Variants in PARP12 observed in about 807,000 individuals in gnomAD.
The protein encoded by PARP12 is poly(ADP-ribose) polymerase family member 12.
Under a neutral mutation model 72.4 loss-of-function variants are expected in PARP12, and 59 were observed. That is an observed-to-expected ratio of 0.81 (90% CI 0.66 to 1.01). The LOEUF is 1.01. Among genes scored for constraint, PARP12 ranks in the 50% least tolerant of loss-of-function variants. The pLI, the probability that PARP12 is intolerant of heterozygous loss-of-function variation, is 0.00. For missense variants in PARP12, 851 were observed against 914.0 expected (o/e 0.93, Z 0.89); for synonymous variants, 403 against 371.4 (o/e 1.09, Z -0.98).
At position 140,030,335 on chromosome 7, in the gene PARP12, C is replaced by T. The variant is rs577868642; in HGVS notation, c.1422-1647G>A. 1.3e-4 allele frequency among the ~76,000 whole-genome samples: 20 copies of T among 152,324 alleles called. 1 individual carries two copies. In the South Asian group the frequency reaches 3.5e-3, roughly 27 times the overall value. On this transcript the variant is annotated intron_variant, in intron 8 of 11. Coordinates refer to ENST00000263549, the MANE Select transcript of PARP12 (RefSeq NM_022750.4). Reference sequence around the variant, plus strand: ...CATGTTGGCCAGGCGCAGTGGCCCACGCCTGTAATCCCAGCACTTTGGGAG... The same window carrying T: ...CATGTTGGCCAGGCGCAGTGGCCCATGCCTGTAATCCCAGCACTTTGGGAG...
chr7:140,061,498 A>G (rs1037674751), intron 1 of PARP12, among the ~76,000 whole-genome samples: 4 of 152,212 alleles, frequency 2.6e-5, no homozygotes, highest in Non-Finnish European at 5.9e-5. Context: ...AGGAGGGAGC[A>G]GGGGAGGAAG....
In PARP12 at chr7:140,062,895, G is replaced by A. The variant is rs1281508893; in HGVS notation, c.-48C>T. On this transcript the variant is annotated 5_prime_UTR_variant, in exon 1 of 12. Coordinates refer to ENST00000263549, the MANE Select transcript of PARP12 (RefSeq NM_022750.4). ...GGACCGCGGGTGGCGCGACGCGGACGGCGGCGGACGCTGGCTGGCGGGCGG... is the reference window on the plus strand; with the variant it reads ...GGACCGCGGGTGGCGCGACGCGGACAGCGGCGGACGCTGGCTGGCGGGCGG... 1.6e-4 allele frequency: 192 copies of A among 1,224,124 alleles called. No homozygotes were observed. The highest frequency in any genetic ancestry group is 1.9e-4 in the Non-Finnish European group (186 of 981,026). The allele number at this position is 1,224,124 out of a possible 1,614,324, so 75.8% of individuals were successfully genotyped here.
chr7:140,028,620 C>T lies in PARP12; in HGVS notation c.1490G>A (p.Gly497Asp), dbSNP rs1815823563. The change falls in exon 9 of 12, where the codon GGC (glycine) becomes GAC (aspartate). Residue 497 changes from glycine to aspartate, a missense_variant. Coordinates refer to ENST00000263549, the MANE Select transcript of PARP12 (RefSeq NM_022750.4). The part of the protein sequence containing the change: ...YWDSSALPDP[G>D]FQKITLSSSS... ...GGCGCATGCGTCCCCTACCTGAAAG[C>T]CTGGGTCTGGCAGGGCAGAGGAGTC... The T allele has an allele frequency of 6.3e-7, 1 of 1,594,470 alleles. No homozygotes were observed. Among genetic ancestry groups the T allele is most frequent in the Non-Finnish European group, 8.5e-7 (1 of 1,169,752 alleles).
rs1276254193 is a variant in PARP12 at position 140,024,529 on chromosome 7, C to A, written c.*31G>T. On this transcript the variant is annotated 3_prime_UTR_variant, in exon 12 of 12. Transcript: ENST00000263549. ...CCCAAATAGCCATTTCAAGGCAGAG[C>A]AGGTGAAAGGCCTGGAACACTCCTG... 3.1e-6 allele frequency: 5 copies of A among 1,608,692 alleles called. No homozygotes were observed. The highest frequency in any genetic ancestry group is 2.6e-6 in the Non-Finnish European group (3 of 1,175,614).
intron 2 of PARP12, 121 bp from the exon 3 acceptor site, chr7:140,057,274 G>T: frequency 2.1e-6 from 2 of 949,544 alleles, no homozygotes; most frequent in Non-Finnish European, 3.2e-6. Context: ...CATCCACACA[G>T]AACACAGCTA....
intron 1 of PARP12, 46 bp from the exon 2 acceptor site, chr7:140,058,080 C>A: frequency 1.9e-6 from 3 of 1,608,062 alleles, no homozygotes; most frequent in Non-Finnish European, 2.6e-6. Flanking sequence ...TGAGTCTCCT[C>A]AAAATTTCTA....
At chr7:140,043,628 A>G (rs954071780) in intron 5 of PARP12, among the ~76,000 whole-genome samples, 1 of 152,028 alleles carries the variant, frequency 6.6e-6, no homozygotes, top group Non-Finnish European at 1.5e-5. Context: ...CCCGGATTCA[A>G]GCGATTCTCC....
At chr7:140,038,170 C>T (rs1192933885) in intron 6 of PARP12, 4 of 985,312 alleles carry the variant, frequency 4.1e-6, no homozygotes, top group Non-Finnish European at 4.8e-6. Flanking sequence ...CATTCAAATG[C>T]CGGCAGAACA....
At chr7:140,050,293 C>G (rs544763640) in intron 4 of PARP12, among the ~76,000 whole-genome samples, 1 of 152,320 alleles carries the variant, frequency 6.6e-6, no homozygotes, top group Admixed American at 6.5e-5. Context: ...GAGCCCCTGG[C>G]AGAGGCACTC....
chr7:140,027,209 T>C, intron 10 of PARP12, 67 bp downstream of exon 10: 1 of 1,572,668 alleles, frequency 6.4e-7, no homozygotes, highest in Non-Finnish European at 8.7e-7. Flanking sequence ...CCGGGCCACA[T>C]GTGGCAACCA....
chr7:140,054,262 T>C (rs1446809034), intron 4 of PARP12, among the ~76,000 whole-genome samples: 1 of 152,144 alleles, frequency 6.6e-6, no homozygotes, highest in African/African-American at 2.4e-5. Context: ...CTAACACAAG[T>C]GTTTCCTTCG....
intron 6 of PARP12, 86 bp downstream of exon 6, chr7:140,041,558 C>T (rs1315065415): frequency 2.2e-6 from 3 of 1,376,072 alleles, no homozygotes; most frequent in African/African-American, 2.9e-5. Flanking sequence ...CAAGGATGCC[C>T]CTGGCAACAA....
chr7:140,027,207 C>T (rs1249614504), intron 10 of PARP12, 69 bp downstream of exon 10: 8 of 1,572,964 alleles, frequency 5.1e-6, no homozygotes, highest in Middle Eastern at 2.1e-4. Flanking sequence ...ACCCGGGCCA[C>T]ATGTGGCAAC....
At chr7:140,036,709 T>A (rs963774241) in intron 7 of PARP12, among the ~76,000 whole-genome samples, 6 of 152,020 alleles carry the variant, frequency 3.9e-5, no homozygotes, top group African/African-American at 1.5e-4. Context: ...TGCTGAACAT[T>A]CAGAAGGACT....
At chr7:140,061,474 G>T (rs937855715) in intron 1 of PARP12, among the ~76,000 whole-genome samples, 1 of 151,776 alleles carries the variant, frequency 6.6e-6, no homozygotes, top group East Asian at 1.9e-4. Context: ...CACAAAACAG[G>T]GAGCAAGCAA....
chr7:140,061,491 A>T (rs1342541608), intron 1 of PARP12, among the ~76,000 whole-genome samples: 1 of 152,184 alleles, frequency 6.6e-6, no homozygotes, highest in Non-Finnish European at 1.5e-5. Context: ...GCAAGAAAGG[A>T]GGGAGCAGGG....
chr7:140,039,239 A>G (rs999877098), intron 6 of PARP12, among the ~76,000 whole-genome samples: 1 of 147,068 alleles, frequency 6.8e-6, no homozygotes, highest in Admixed American at 6.7e-5. Context: ...TGACAACAAG[A>G]GGAAAGGAAA....
chr7:140,033,488 G>C, intron 8 of PARP12: 1 of 985,438 alleles, frequency 1.0e-6, no homozygotes, highest in Non-Finnish European at 1.2e-6. Context: ...AGCCCAAACT[G>C]TATGGGCACT....
intron 4 of PARP12, among the ~76,000 whole-genome samples, chr7:140,051,539 T>A (rs1420493764): frequency 2.0e-5 from 3 of 152,090 alleles, no homozygotes; most frequent in Non-Finnish European, 4.4e-5. Flanking sequence ...TACAGGTATG[T>A]GCCACCACAC....
Sources: gnomAD v4.1 joint callset for allele counts (sites outside exome capture counted in the v4.1 genomes callset) on GRCh38, gnomAD v4.1.1 for gene constraint, MANE v1.5 for transcripts, NCBI Gene and HGNC (gene_info 2026-07-23, HGNC 2026-07-21) for gene names.